The following GLDN variants were observed in gnomAD, a reference collection of about 807,000 sequenced individuals.
GLDN encodes gliomedin.
In GLDN, 47 loss-of-function variants were observed where a neutral mutation model predicts 56.5. The observed-to-expected ratio is 0.83, with a 90% CI of 0.66 to 1.06. GLDN has a LOEUF of 1.06. Among genes scored for constraint, GLDN ranks in the 50% least tolerant of loss-of-function variants. The probability of loss-of-function intolerance (pLI) is 0.00; values close to 1 mark genes in which losing one functional copy is unlikely to be tolerated. For missense variants in GLDN, 782 were observed against 714.3 expected (o/e 1.09, Z -1.08); for synonymous variants, 332 against 278.8 (o/e 1.19, Z -1.90).
At chr15:51,361,889 C>G (rs1174058573) in intron 1 of GLDN, among the ~76,000 whole-genome samples, 1 of 152,214 alleles carries the variant, frequency 6.6e-6, no homozygotes, top group African/African-American at 2.4e-5. Flanking sequence ...CAAGATCATG[C>G]CACTGCACTC....
chr15:51,370,146 G>A (rs1486411023), intron 1 of GLDN, among the ~76,000 whole-genome samples: 1 of 152,088 alleles, frequency 6.6e-6, no homozygotes, highest in African/African-American at 2.4e-5. Flanking sequence ...AGTAGATGAA[G>A]GGGAAATAGT....
At chr15:51,409,952 T>A (rs1221809998), downstream of GLDN, among the ~76,000 whole-genome samples, 1 of 152,198 alleles carries the variant, frequency 6.6e-6, no homozygotes, top group African/African-American at 2.4e-5. Flanking sequence ...AAACCCAGCC[T>A]CATCTTGCAG....
At chr15:51,372,753 A>G (rs1172458691) in intron 1 of GLDN, among the ~76,000 whole-genome samples, 2 of 152,196 alleles carry the variant, frequency 1.3e-5, no homozygotes, top group African/African-American at 2.4e-5. Flanking sequence ...GAGAAGTTCC[A>G]GGCCTGGGAC....
intron 1 of GLDN, among the ~76,000 whole-genome samples, chr15:51,371,137 A>T (rs1478606116): frequency 6.6e-6 from 1 of 152,234 alleles, no homozygotes; most frequent in African/African-American, 2.4e-5. Flanking sequence ...GGGATTATTT[A>T]TCAACCAAAA....
At chr15:51,409,765 C>T (rs931541183), downstream of GLDN, among the ~76,000 whole-genome samples, 3 of 152,238 alleles carry the variant, frequency 2.0e-5, no homozygotes, top group Admixed American at 6.5e-5. Flanking sequence ...ATTCACCCCA[C>T]GTGCAGCTTC....
At chr15:51,346,426 G>A (rs117812396) in intron 1 of GLDN, among the ~76,000 whole-genome samples, 192 of 152,290 alleles carry the variant, frequency 1.3e-3, no homozygotes, top group East Asian at 3.9e-3. Flanking sequence ...TCACACCAGG[G>A]AGGAAGAATG....
rs750662547 is a variant in GLDN, at chr15:51,400,291, G to T, written c.901+16G>T. 12 of 1,614,016 alleles carry T rather than the reference G, an allele frequency of 7.4e-6. No homozygotes were observed. Among genetic ancestry groups the T allele is most frequent in the Admixed American group, 5.0e-5 (3 of 60,026 alleles). On this transcript the variant is annotated intron_variant, in intron 7 of 9. Coordinates refer to ENST00000335449, the MANE Select transcript of GLDN (RefSeq NM_181789.4). ...CCACAAGCAGGTATAGAAACAAAGC[G>T]TCCTGTCTTGAAATTCAGAAATTGA...
At chr15:51,361,200 C>T (rs898177800) in intron 1 of GLDN, among the ~76,000 whole-genome samples, 3 of 152,198 alleles carry the variant, frequency 2.0e-5, no homozygotes, top group African/African-American at 7.2e-5. Context: ...ACACTCATCC[C>T]TTCCTACCCT....
chr15:51,395,092 G>T, intron 5 of GLDN, 111 bp downstream of exon 5: 2 of 1,116,948 alleles, frequency 1.8e-6, no homozygotes, highest in Non-Finnish European at 2.5e-6. Context: ...GCCTTATGTG[G>T]CCATCTGTTT....
intron 1 of GLDN, among the ~76,000 whole-genome samples, chr15:51,355,398 C>G (rs1468496288): frequency 6.6e-6 from 1 of 152,018 alleles, no homozygotes; most frequent in Non-Finnish European, 1.5e-5. Context: ...GTGGGAGTGT[C>G]TTTTAGCATG....
chr15:51,365,731 T>C (rs1353104178), intron 1 of GLDN, among the ~76,000 whole-genome samples: 11 of 152,218 alleles, frequency 7.2e-5, no homozygotes, highest in Non-Finnish European at 2.9e-5. Context: ...GGGAACGGAT[T>C]GGACGTTTTT....
At chr15:51,347,960 T>C (rs796943737) in intron 1 of GLDN, among the ~76,000 whole-genome samples, 35 of 152,288 alleles carry the variant, frequency 2.3e-4, no homozygotes, top group African/African-American at 8.4e-4. Context: ...TTGTATTACC[T>C]TGTGGAAGCA....
At chr15:51,358,999 G>T (rs117090411) in intron 1 of GLDN, among the ~76,000 whole-genome samples, 2 of 152,004 alleles carry the variant, frequency 1.3e-5, no homozygotes, top group East Asian at 3.9e-4. Flanking sequence ...ACATCCTACC[G>T]GGGGTCCTCA....
At chr15:51,385,765 AC>A (rs1296625238) in intron 4 of GLDN, among the ~76,000 whole-genome samples, 3 of 152,170 alleles carry the variant, frequency 2.0e-5, no homozygotes, top group Non-Finnish European at 2.9e-5. Flanking sequence ...TGTGTAAGCC[AC>A]CAGGGTACCT....
intron 1 of GLDN, among the ~76,000 whole-genome samples, chr15:51,345,816 A>G (rs1233620074): frequency 6.6e-6 from 1 of 152,236 alleles, no homozygotes; most frequent in Admixed American, 6.5e-5. Context: ...CTATATTCAG[A>G]TCATACGATT....
At chr15:51,350,796 A>C (rs2037062297) in intron 1 of GLDN, among the ~76,000 whole-genome samples, 1 of 152,202 alleles carries the variant, frequency 6.6e-6, no homozygotes, top group African/African-American at 2.4e-5. Context: ...TATATAAGAA[A>C]CAGGCGGGTC....
At chr15:51,387,348 C>T (rs2037919492) in intron 4 of GLDN, among the ~76,000 whole-genome samples, 1 of 152,176 alleles carries the variant, frequency 6.6e-6, no homozygotes, top group African/African-American at 2.4e-5. Flanking sequence ...CAGCCATATC[C>T]ACCTACCATC....
chr15:51,390,259 G>A (rs1173840851), intron 4 of GLDN, among the ~76,000 whole-genome samples: 2 of 152,216 alleles, frequency 1.3e-5, no homozygotes, highest in Non-Finnish European at 2.9e-5. Context: ...TGCTATACTG[G>A]TGTTAGCTAT....
At chr15:51,359,362 G>A (rs535523082) in intron 1 of GLDN, among the ~76,000 whole-genome samples, 3 of 152,174 alleles carry the variant, frequency 2.0e-5, no homozygotes, top group Admixed American at 6.5e-5. Flanking sequence ...AACTCCCAGC[G>A]AAAAAGAGGC....
Sources: allele counts gnomAD v4.1 joint callset (sites outside exome capture counted in the v4.1 genomes callset), GRCh38; gene constraint gnomAD v4.1.1; transcripts MANE v1.5; gene names NCBI Gene and HGNC (gene_info 2026-07-23, HGNC 2026-07-21).